The following LRP8 variants were observed in gnomAD, a reference collection of about 807,000 sequenced individuals.
LRP8 encodes the protein LDL receptor related protein 8, also known as low-density lipoprotein receptor-related protein 8.
A neutral mutation model predicts 111.6 loss-of-function variants in LRP8; 46 were observed. That is an observed-to-expected ratio of 0.41 (90% confidence interval 0.33 to 0.53). LRP8 has a LOEUF of 0.53. Among genes scored for constraint, LRP8 ranks in the 20% least tolerant of loss-of-function variants. LRP8 has a pLI of 0.20. For missense variants in LRP8, 959 were observed against 1,297.4 expected (o/e 0.74, Z 4.01); for synonymous variants, 464 against 511.2 (o/e 0.91, Z 1.24).
chr1:53,316,190 CG>C (rs1372988551), intron 2 of LRP8, among the ~76,000 whole-genome samples: 4 of 152,172 alleles, frequency 2.6e-5, no homozygotes, highest in African/African-American at 9.7e-5. Context: ...GGACTTGCCC[CG>C]GGGCCTCCCA....
rs1016415179 is a variant in LRP8 at position 53,317,147 on chromosome 1, G to A, written c.244+9726C>T. On this transcript the variant is annotated intron_variant, in intron 2 of 18. Coordinates refer to ENST00000306052, the MANE Select transcript of LRP8 (RefSeq NM_004631.5). The surrounding 1 kb of genome is among the most constrained non-coding windows in gnomAD (Gnocchi z 4.9). ...TGTAGGGCAGCAGATGGCGGCTCAG[G>A]GTCCAGGAAGTGGGGGAGGGAGGGA... Among the ~76,000 whole-genome samples the A allele has an allele frequency of 6.6e-6, 1 of 152,042 alleles. No homozygotes were observed. Among genetic ancestry groups the A allele is most frequent in the Admixed American group, 6.5e-5 (1 of 15,282 alleles).
chr1:53,255,580 A>G lies in LRP8; in HGVS notation c.2435-395T>C, dbSNP rs575207784. Among the ~76,000 whole-genome samples, 6 of 152,328 alleles carry G rather than the reference A, an allele frequency of 3.9e-5. 1 individual carries two copies. The highest frequency in any genetic ancestry group is 2.6e-4 in the Admixed American group (4 of 15,304). ...TGGACTAGGTCATTTGCCTTTTTCC[A>G]TCAGTATCTGTTGCTTTGCCAGTAT... On this transcript the variant is annotated intron_variant, in intron 15 of 18. Coordinates refer to ENST00000306052, the MANE Select transcript of LRP8 (RefSeq NM_004631.5).
At position 53,266,551 on chromosome 1, in the gene LRP8, T is replaced by G; in HGVS notation, c.1349A>C (p.Lys450Thr). ...RNYSRLIPML[K>T]NVVALDVEVA... is the part of the protein sequence containing the mutation. ...TTCCACATCTAGTGCCACGACATTC[T>G]TGAGCATGGGGATGAGGCGTGAATA... Residue 450 changes from lysine to threonine, a missense_variant, in exon 9 of 19, where the codon AAG becomes ACG. By Grantham distance (78) the Lys-to-Thr change is moderately conservative (BLOSUM62 -1). Transcript: ENST00000306052. The surrounding 1 kb of genome is among the most constrained non-coding windows in gnomAD (Gnocchi z 5.0). 6.2e-7 allele frequency: 1 copy of G among 1,614,196 alleles called. No homozygotes were observed. The highest frequency in any genetic ancestry group is 8.5e-7 in the Non-Finnish European group (1 of 1,180,044).
At chr1:53,284,464 T>C (rs1647273044) in intron 3 of LRP8, among the ~76,000 whole-genome samples, 1 of 152,114 alleles carries the variant, frequency 6.6e-6, no homozygotes, top group Non-Finnish European at 1.5e-5. Context: ...ACTAGAGCCT[T>C]GCCCTTCCAT....
intron 12 of LRP8, among the ~76,000 whole-genome samples, chr1:53,261,797 C>T (rs1417517132): frequency 6.6e-6 from 1 of 152,164 alleles, no homozygotes; most frequent in Non-Finnish European, 1.5e-5. Flanking sequence ...GCTGAGGGCA[C>T]AGAGAGGAAA....
intron 4 of LRP8, among the ~76,000 whole-genome samples, chr1:53,277,436 C>A (rs550567084): frequency 8.5e-5 from 13 of 152,056 alleles, no homozygotes; most frequent in African/African-American, 2.9e-4. Flanking sequence ...TTCCCAGGGA[C>A]CAGGGTCTGG....
chr1:53,275,534 A>G lies in LRP8; in HGVS notation c.1006+97T>C. ...CTCTGGGGGAAAATGCATCTTGGGG[A>G]CCAAGGGGAAACTCCTCCCAACTCT... On this transcript the variant is annotated intron_variant, in intron 6 of 18. Transcript: ENST00000306052. This position sits in a 1 kb window ranked among gnomAD's most constrained non-coding sequence, Gnocchi z 4.4. 4.6e-6 allele frequency: 7 copies of G among 1,506,190 alleles called. No homozygotes were observed. Among genetic ancestry groups the G allele is most frequent in the Non-Finnish European group, 6.3e-6 (7 of 1,108,276 alleles). 93.3% of individuals were successfully genotyped at this position (1,506,190 alleles called of 1,614,324 possible).
At chr1:53,313,737 G>A (rs12084254) in intron 2 of LRP8, among the ~76,000 whole-genome samples, 6,710 of 152,250 alleles carry the variant, frequency 0.044, 493 homozygotes, top group African/African-American at 0.15. Context: ...TCAGTGCCAG[G>A]TGAGACCTGG....
chr1:53,290,488 G>A (rs1648514554), intron 2 of LRP8, among the ~76,000 whole-genome samples: 2 of 152,332 alleles, frequency 1.3e-5, no homozygotes, highest in South Asian at 4.1e-4. Flanking sequence ...GGCAGCTACT[G>A]TTGTTTTCAG....
rs752030322 is a variant in LRP8, at chr1:53,260,511, T to C, written c.2009A>G (p.Asn670Ser). ...LEISILAENLNNPHDIVIFHE... is the reference protein window; with the variant it reads ...LEISILAENLSNPHDIVIFHE... ...GAAGATGACAATGTCATGTGGGTTGTTGAGGTTCTCAGCCAGGATGGAGAT... is the reference window on the plus strand; with the variant it reads ...GAAGATGACAATGTCATGTGGGTTGCTGAGGTTCTCAGCCAGGATGGAGAT... Residue 670 changes from asparagine to serine, a missense_variant, in exon 13 of 19, where the codon AAC becomes AGC. Asn to Ser is a conservative substitution (Grantham distance 46). Coordinates refer to ENST00000306052, the MANE Select transcript of LRP8 (RefSeq NM_004631.5). The C allele has an allele frequency of 2.5e-6, 4 of 1,614,220 alleles. No homozygotes were observed. Among genetic ancestry groups the C allele is most frequent in the South Asian group, 1.1e-5 (1 of 91,084 alleles).
intron 2 of LRP8, among the ~76,000 whole-genome samples, chr1:53,301,108 A>T (rs750533918): frequency 1.6e-4 from 25 of 152,278 alleles, no homozygotes; most frequent in Admixed American, 6.5e-4. Flanking sequence ...GGTGATGCGG[A>T]CAGCAGAGCA....
chr1:53,297,709 G>A (rs1650019644), intron 2 of LRP8, among the ~76,000 whole-genome samples: 1 of 152,146 alleles, frequency 6.6e-6, no homozygotes, highest in African/African-American at 2.4e-5. Flanking sequence ...CTTTCAAATC[G>A]GGAAGAGTTT....
At chr1:53,277,214 G>C (rs181323931) in intron 4 of LRP8, 136 bp from the exon 5 acceptor site, 7 of 1,260,494 alleles carry the variant, frequency 5.6e-6, no homozygotes, top group Non-Finnish European at 7.2e-6. Context: ...AATGGTGGAC[G>C]TGCAGTTAGG....
chr1:53,266,256 T>C lies in LRP8; in HGVS notation c.1427+217A>G, dbSNP rs1180959166. 6.6e-6 allele frequency among the ~76,000 whole-genome samples: 1 copy of C among 152,160 alleles called. No individual in the cohort carries two copies. Among genetic ancestry groups the C allele is most frequent in the Non-Finnish European group, 1.5e-5 (1 of 68,032 alleles). Reference sequence around the variant, plus strand: ...CAGAGGTCAGACAAATCCCAGGTGTTTGGGGCTCAAAGCTGCTAACCCAAG... The same window carrying C: ...CAGAGGTCAGACAAATCCCAGGTGTCTGGGGCTCAAAGCTGCTAACCCAAG... On this transcript the variant is annotated intron_variant, in intron 9 of 18. Coordinates refer to ENST00000306052, the MANE Select transcript of LRP8 (RefSeq NM_004631.5). The surrounding 1 kb of genome is among the most constrained non-coding windows in gnomAD (Gnocchi z 5.0).
At chr1:53,305,794 G>A (rs1295325995) in intron 2 of LRP8, 1 of 152,368 alleles carries the variant, frequency 6.6e-6, no homozygotes, top group Admixed American at 6.5e-5. Flanking sequence ...CCCACAGGGA[G>A]CCAGGGGCCT....
intron 2 of LRP8, among the ~76,000 whole-genome samples, chr1:53,307,967 C>A (rs570335586): frequency 5.8e-4 from 89 of 152,300 alleles, no homozygotes; most frequent in South Asian, 2.3e-3. Context: ...AGAATCTGAG[C>A]CTGATCCTGG....
intron 16 of LRP8, among the ~76,000 whole-genome samples, chr1:53,252,900 G>T (rs965629953): frequency 1.3e-5 from 2 of 152,192 alleles, no homozygotes; most frequent in Non-Finnish European, 2.9e-5. Flanking sequence ...TCATGAAGTT[G>T]TGCTAATAGT....
chr1:53,296,878 A>G (rs1649826075), intron 2 of LRP8, among the ~76,000 whole-genome samples: 1 of 152,188 alleles, frequency 6.6e-6, no homozygotes, highest in Non-Finnish European at 1.5e-5. Context: ...GGCCTGGAAA[A>G]CTATTTTTAA....
At chr1:53,284,193 G>GCTTACTTACCTACTACATACCCGGGCCA (rs1647228413) in intron 3 of LRP8, among the ~76,000 whole-genome samples, 1 of 26,240 alleles carries the variant, frequency 3.8e-5, no homozygotes, top group Non-Finnish European at 7.0e-5. Flanking sequence ...TACCCGGGCC[G>GCTTACTTACCTACTACATACCCGGGCCA]CTTACTTACC....
Sources: gnomAD v4.1 joint callset for allele counts (sites outside exome capture counted in the v4.1 genomes callset) on GRCh38, gnomAD v4.1.1 for gene constraint, Gnocchi (gnomAD v3.1) non-coding constraint, MANE v1.5 for transcripts, NCBI Gene and HGNC (gene_info 2026-07-23, HGNC 2026-07-21) for gene names.